Variants in VPS54 observed in about 807,000 individuals in gnomAD.
VPS54 encodes the protein VPS54 subunit of GARP complex.
A neutral mutation model predicts 121.5 loss-of-function variants in VPS54; 45 were observed. The ratio of observed to expected loss-of-function variants is 0.37; its 90% CI spans 0.29 to 0.47. The LOEUF is 0.47. Among genes scored for constraint, VPS54 ranks in the 20% least tolerant of loss-of-function variants. The pLI, the probability that VPS54 is intolerant of heterozygous loss-of-function variation, is 0.99. For synonymous variants in VPS54, 371 were observed against 385.8 expected (o/e 0.96, Z 0.45); for missense variants, 1,090 against 1,131.4 (o/e 0.96, Z 0.52).
chr2:63,909,728 T>G (rs1673061521), intron 20 of VPS54, among the ~76,000 whole-genome samples: 1 of 145,776 alleles, frequency 6.9e-6, no homozygotes, highest in South Asian at 2.2e-4. Flanking sequence ...GTTTTTGGTT[T>G]TTTTTTTTTT....
intron 1 of VPS54, among the ~76,000 whole-genome samples, chr2:64,013,247 T>C (rs1309076734): frequency 6.6e-6 from 1 of 152,226 alleles, no homozygotes; most frequent in Non-Finnish European, 1.5e-5. Context: ...ATCTGTGTGA[T>C]GGTCTCACCA....
intron 17 of VPS54, chr2:63,913,913 T>A: frequency 8.2e-7 from 1 of 1,213,786 alleles, no homozygotes; most frequent in Non-Finnish European, 1.0e-6. Flanking sequence ...GTGGCCTCAG[T>A]CATGTTCAGC....
chr2:63,956,962 T>G (rs144001213), intron 7 of VPS54, among the ~76,000 whole-genome samples: 1 of 152,110 alleles, frequency 6.6e-6, no homozygotes, highest in African/African-American at 2.4e-5. Flanking sequence ...CTGCAAGATA[T>G]CAACATTCGA....
chr2:63,962,186 G>T lies in VPS54; in HGVS notation c.882C>A (p.Ala294=). The T allele has an allele frequency of 6.2e-7, 1 of 1,613,906 alleles. No individual in the cohort carries two copies. Among genetic ancestry groups the T allele is most frequent in the Non-Finnish European group, 8.5e-7 (1 of 1,179,864 alleles). ...VKVYNKLKLM[A]TVHQTQPTVQ... ...CTGTAGGCTGAGTCTGGTGTACAGT[G>T]GCCATTAACTTCAGCTTATTGTATA... is the stretch of plus-strand genomic sequence containing the variant. The change falls in exon 7 of 23, where the codon GCC becomes GCA. Residue 294 remains alanine (A), a synonymous_variant. Coordinates refer to ENST00000272322, the MANE Select transcript of VPS54 (RefSeq NM_016516.3).
intron 18 of VPS54, 66 bp from the exon 19 acceptor site, chr2:63,912,727 A>G: frequency 6.6e-7 from 1 of 1,510,658 alleles, no homozygotes; most frequent in African/African-American, 1.5e-5. Context: ...GTTGATTTTA[A>G]TTACAAATCA....
At chr2:63,998,773 T>C (rs940602400) in intron 1 of VPS54, among the ~76,000 whole-genome samples, 12 of 152,112 alleles carry the variant, frequency 7.9e-5, no homozygotes, top group African/African-American at 2.9e-4. Flanking sequence ...GAAAAAATTA[T>C]AGTTATAATT....
chr2:63,959,191 T>C (rs1675637175), intron 7 of VPS54, among the ~76,000 whole-genome samples: 1 of 152,148 alleles, frequency 6.6e-6, no homozygotes, highest in Non-Finnish European at 1.5e-5. Flanking sequence ...TTAACAACCT[T>C]TAGCAAAAGG....
intron 7 of VPS54, among the ~76,000 whole-genome samples, chr2:63,959,524 T>C (rs1559022035): frequency 6.6e-6 from 1 of 151,074 alleles, no homozygotes; most frequent in African/African-American, 2.4e-5. Flanking sequence ...CATGTGGTTC[T>C]AAAAAAAAAT....
chr2:63,990,033 C>T (rs895779435), intron 1 of VPS54, among the ~76,000 whole-genome samples: 3 of 152,338 alleles, frequency 2.0e-5, no homozygotes, highest in African/African-American at 7.2e-5. Flanking sequence ...GAAATGTGTT[C>T]CTGTCACTTT....
In VPS54 at chr2:63,900,220, CAAAAAAAAAAA is replaced by C. The variant is rs70965149; in HGVS notation, c.2626-650_2626-640del. ...GGGCGACAAGAGTGAAACTCTGTCT[CAAAAAAAAAAA>C]AAAAAAAAAAAAAGAATGTGTCAGT... is the stretch of plus-strand genomic sequence containing the variant. On this transcript the variant is annotated intron_variant, in intron 20 of 22. Coordinates refer to ENST00000272322, the MANE Select transcript of VPS54 (RefSeq NM_016516.3). Among the ~76,000 whole-genome samples, 25 of 63,388 alleles carry C rather than the reference CAAAAAAAAAAA, an allele frequency of 3.9e-4. No homozygotes were observed. The South Asian group carries it at 0.016, about 41-fold the overall frequency. The allele number at this position is 63,388 out of a possible 152,430, so 41.6% of individuals were successfully genotyped here.
intron 20 of VPS54, among the ~76,000 whole-genome samples, chr2:63,905,103 G>C (rs1389839287): frequency 6.6e-6 from 1 of 152,112 alleles, no homozygotes; most frequent in East Asian, 1.9e-4. Flanking sequence ...AAAAGGAAAA[G>C]AAAGGTCTCA....
intron 12 of VPS54, among the ~76,000 whole-genome samples, chr2:63,921,797 T>C (rs950233323): frequency 1.3e-5 from 2 of 152,198 alleles, no homozygotes; most frequent in African/African-American, 4.8e-5. Flanking sequence ...ATGTATTTTG[T>C]CATAACCTTA....
chr2:63,986,357 G>A (rs905329251), intron 1 of VPS54, among the ~76,000 whole-genome samples: 1 of 152,020 alleles, frequency 6.6e-6, no homozygotes, highest in African/African-American at 2.4e-5. Context: ...CACAAATAAG[G>A]GAGAACATGT....
intron 11 of VPS54, among the ~76,000 whole-genome samples, chr2:63,937,466 TG>T (rs1674504196): frequency 6.6e-6 from 1 of 152,208 alleles, no homozygotes; most frequent in Non-Finnish European, 1.5e-5. Flanking sequence ...CCCATTAGGA[TG>T]GCTAGTCTCA....
intron 5 of VPS54, among the ~76,000 whole-genome samples, chr2:63,966,857 A>G (rs1461402871): frequency 6.6e-6 from 1 of 152,184 alleles, no homozygotes; most frequent in East Asian, 1.9e-4. Context: ...ATTAATACAT[A>G]AAGTATGCAT....
At chr2:63,953,672 C>T (rs1243957304) in intron 7 of VPS54, among the ~76,000 whole-genome samples, 5 of 152,038 alleles carry the variant, frequency 3.3e-5, no homozygotes, top group Non-Finnish European at 7.4e-5. Context: ...AGTGCGCTAA[C>T]ACTTATCTAA....
At chr2:63,971,180 A>T (rs1287331345) in intron 4 of VPS54, among the ~76,000 whole-genome samples, 8 of 152,192 alleles carry the variant, frequency 5.3e-5, no homozygotes, top group Non-Finnish European at 1.2e-4. Flanking sequence ...GTTACTTCTC[A>T]AAGGCCTAAT....
intron 1 of VPS54, among the ~76,000 whole-genome samples, chr2:64,016,729 C>T (rs1322403765): frequency 6.6e-6 from 1 of 151,758 alleles, no homozygotes; most frequent in East Asian, 1.9e-4. Flanking sequence ...CAGCCTCAGC[C>T]TCCCCAGTAG....
intron 11 of VPS54, among the ~76,000 whole-genome samples, chr2:63,935,603 A>C (rs1335804746): frequency 6.6e-6 from 1 of 152,182 alleles, no homozygotes; most frequent in African/African-American, 2.4e-5. Flanking sequence ...TTCCCATGGT[A>C]CAACAGCCAT....
Sources: gnomAD v4.1 joint callset for allele counts (sites outside exome capture counted in the v4.1 genomes callset) on GRCh38, gnomAD v4.1.1 for gene constraint, MANE v1.5 for transcripts, NCBI Gene and HGNC (gene_info 2026-07-23, HGNC 2026-07-21) for gene names.